Variants in SLC7A14 observed in about 807,000 individuals in gnomAD.
SLC7A14 encodes the protein solute carrier family 7 member 14.
A neutral mutation model predicts 60.2 loss-of-function variants in SLC7A14; 37 were observed. That is an observed-to-expected ratio of 0.61 (90% CI 0.47 to 0.81). The LOEUF (loss-of-function observed/expected upper bound fraction) is 0.81. Among genes scored for constraint, SLC7A14 ranks in the 30% least tolerant of loss-of-function variants. The pLI is 0.00. For missense variants in SLC7A14, 886 were observed against 982.7 expected, an observed-to-expected ratio of 0.90 and a Z score of 1.32; for synonymous variants, 399 against 395.8, an observed-to-expected ratio of 1.01 and a Z score of -0.10.
intron 1 of SLC7A14, among the ~76,000 whole-genome samples, chr3:170,544,140 TGTCATAG>T (rs1714102183): frequency 6.6e-6 from 1 of 152,128 alleles, no homozygotes; most frequent in African/African-American, 2.4e-5. Flanking sequence ...TTGTATTGCC[TGTCATAG>T]GTGAGAGTTG....
At chr3:170,578,199 G>A (rs1715147287) in intron 1 of SLC7A14, among the ~76,000 whole-genome samples, 1 of 152,260 alleles carries the variant, frequency 6.6e-6, no homozygotes, top group African/African-American at 2.4e-5. Context: ...CTGGGAAGAG[G>A]CAGAAGAGTG....
intron 1 of SLC7A14, among the ~76,000 whole-genome samples, chr3:170,572,819 T>C (rs969815201): frequency 2.2e-4 from 34 of 152,246 alleles, no homozygotes; most frequent in African/African-American, 8.2e-4. Flanking sequence ...ATAGAAAGTG[T>C]GTCAAAAGTC....
At chr3:170,584,540 C>G (rs1428378471) in intron 1 of SLC7A14, among the ~76,000 whole-genome samples, 1 of 152,148 alleles carries the variant, frequency 6.6e-6, no homozygotes, top group Non-Finnish European at 1.5e-5. Flanking sequence ...AGCCGGGAAC[C>G]TTTTCCCAAG....
rs146005340 is a variant in SLC7A14 at position 170,475,447 on chromosome 3, C to T, written c.1993+4842G>A. Among the ~76,000 whole-genome samples the T allele has an allele frequency of 2.9e-3, 440 of 152,212 alleles. 7 individuals are homozygous for T. Among genetic ancestry groups the T allele is most frequent in the South Asian group, 0.018 (85 of 4,820 alleles). On this transcript the variant is annotated intron_variant, in intron 7 of 7. Coordinates refer to ENST00000231706, the MANE Select transcript of SLC7A14 (RefSeq NM_020949.3). ...TAAGAAAAATCTGATATCTTGGAGG[C>T]TCAGAAGTTCAGAGGTGACATATTT...
At chr3:170,516,065 A>G (rs375713670) in intron 2 of SLC7A14, among the ~76,000 whole-genome samples, 2 of 152,172 alleles carry the variant, frequency 1.3e-5, no homozygotes, top group African/African-American at 4.8e-5. Context: ...GATGTAAAAG[A>G]AGCCCAGGTT....
At chr3:170,506,382 T>C (rs1457215820) in intron 2 of SLC7A14, among the ~76,000 whole-genome samples, 2 of 152,238 alleles carry the variant, frequency 1.3e-5, no homozygotes, top group Non-Finnish European at 2.9e-5. Context: ...GTTAAATTGA[T>C]AATTTGCCAG....
intron 1 of SLC7A14, among the ~76,000 whole-genome samples, chr3:170,555,100 G>A (rs543049334): frequency 5.3e-5 from 8 of 151,988 alleles, no homozygotes; most frequent in Admixed American, 2.0e-4. Context: ...CCTGGGAAGC[G>A]GAGGTTGCAG....
intron 5 of SLC7A14, among the ~76,000 whole-genome samples, chr3:170,484,379 G>A (rs1711947919): frequency 6.6e-6 from 1 of 152,190 alleles, no homozygotes; most frequent in South Asian, 2.1e-4. Flanking sequence ...AAAGCCACTG[G>A]CATGCATGTG....
chr3:170,534,965 A>G (rs186423824), intron 1 of SLC7A14, among the ~76,000 whole-genome samples: 3 of 152,226 alleles, frequency 2.0e-5, no homozygotes, highest in Non-Finnish European at 4.4e-5. Flanking sequence ...TGGAGAAGGA[A>G]GGATAGGCTT....
At chr3:170,525,863 G>C (rs945585663) in intron 2 of SLC7A14, among the ~76,000 whole-genome samples, 3 of 152,078 alleles carry the variant, frequency 2.0e-5, no homozygotes, top group Admixed American at 1.3e-4. Context: ...GCGGGGTCAG[G>C]AGTACGACAG....
At chr3:170,530,672 G>T (rs905547384) in intron 1 of SLC7A14, among the ~76,000 whole-genome samples, 2 of 152,216 alleles carry the variant, frequency 1.3e-5, no homozygotes, top group Non-Finnish European at 2.9e-5. Context: ...TGGGCCCTGG[G>T]ATCCTTTAAG....
At position 170,496,249 on chromosome 3, in the gene SLC7A14, G is replaced by T. The variant is rs1712388771; in HGVS notation, c.759+2418C>A. ...GCACAGTAGGAGGAGATCGCCAACC[G>T]CAGCTGGGCTGAGGCTGAGAGCATG... On this transcript the variant is annotated intron_variant, in intron 4 of 7. Coordinates refer to ENST00000231706, the MANE Select transcript of SLC7A14 (RefSeq NM_020949.3). 5.3e-6 allele frequency: 5 copies of T among 943,150 alleles called. No homozygotes were observed. In the Admixed American group the frequency reaches 8.5e-5, roughly 16 times the overall value. 58.4% of individuals were successfully genotyped at this position (943,150 alleles called of 1,614,324 possible).
At chr3:170,548,875 A>T (rs938182337) in intron 1 of SLC7A14, among the ~76,000 whole-genome samples, 4 of 152,052 alleles carry the variant, frequency 2.6e-5, no homozygotes, top group African/African-American at 9.7e-5. Flanking sequence ...GTTATGTAAT[A>T]AATTAATTAA....
chr3:170,506,516 T>G (rs1712786120), intron 2 of SLC7A14, among the ~76,000 whole-genome samples: 1 of 152,188 alleles, frequency 6.6e-6, no homozygotes, highest in Admixed American at 6.5e-5. Flanking sequence ...CCAGATGATG[T>G]GTGATTTGGG....
rs1000913919 is a variant in SLC7A14, at chr3:170,535,044, T to C, written c.-152-7956A>G. ...TTCGATGCCCCAGTCAGGGAGGGTA[T>C]CACAGTTTGACATCACCTTCTCCTC... On this transcript the variant is annotated intron_variant, in intron 1 of 7. Coordinates refer to ENST00000231706, the MANE Select transcript of SLC7A14 (RefSeq NM_020949.3). The surrounding 1 kb of genome is among the most constrained non-coding windows in gnomAD (Gnocchi z 4.3). Among the ~76,000 whole-genome samples the C allele has an allele frequency of 3.3e-5, 5 of 152,138 alleles. No individual in the cohort carries two copies. The highest frequency in any genetic ancestry group is 1.2e-4 in the African/African-American group (5 of 41,418).
At chr3:170,513,669 A>G (rs1029001758) in intron 2 of SLC7A14, among the ~76,000 whole-genome samples, 1 of 152,246 alleles carries the variant, frequency 6.6e-6, no homozygotes, top group Non-Finnish European at 1.5e-5. Context: ...ATACATATTC[A>G]TGACTTTTAA....
intron 2 of SLC7A14, among the ~76,000 whole-genome samples, chr3:170,512,702 C>T (rs891303809): frequency 4.2e-5 from 5 of 119,704 alleles, no homozygotes; most frequent in Admixed American, 3.2e-4. Context: ...CTCGCTCTGT[C>T]GCCCAGGCTG....
intron 1 of SLC7A14, among the ~76,000 whole-genome samples, chr3:170,572,146 C>T (rs929233943): frequency 1.3e-5 from 2 of 152,016 alleles, no homozygotes; most frequent in Middle Eastern, 3.4e-3. Flanking sequence ...ACTCCTGGGC[C>T]TAATTCTCTG....
intron 7 of SLC7A14, among the ~76,000 whole-genome samples, chr3:170,474,683 G>A (rs1178354773): frequency 1.3e-5 from 2 of 152,004 alleles, no homozygotes; most frequent in African/African-American, 4.8e-5. Flanking sequence ...TGGCTGCTTT[G>A]GGTCAATTTC....
Sources: gnomAD v4.1 joint callset for allele counts (sites outside exome capture counted in the v4.1 genomes callset) on GRCh38, gnomAD v4.1.1 for gene constraint, Gnocchi (gnomAD v3.1) non-coding constraint, MANE v1.5 for transcripts, NCBI Gene and HGNC (gene_info 2026-07-23, HGNC 2026-07-21) for gene names.